The following HFM1 variants were observed in gnomAD, a reference collection of about 807,000 sequenced individuals.
HFM1 encodes helicase for meiosis 1.
HFM1 carries 169 observed loss-of-function variants against 192.1 expected under a neutral mutation model. That is an observed-to-expected ratio of 0.88 (90% confidence interval 0.78 to 1.00). The LOEUF (loss-of-function observed/expected upper bound fraction) is 1.00, where lower values mean the gene tolerates loss of function less well. Among genes scored for constraint, HFM1 ranks in the 50% least tolerant of loss-of-function variants. The pLI, the probability that HFM1 is intolerant of heterozygous loss-of-function variation, is 0.00. For synonymous variants in HFM1, 525 were observed against 537.8 expected (o/e 0.98, Z 0.33); for missense variants, 1,661 against 1,668.0 (o/e 1.00, Z 0.07).
chr1:91,401,079 G>A lies in HFM1; in HGVS notation c.4C>T (p.Leu2=). 1 of 1,541,640 alleles carries A rather than the reference G, an allele frequency of 6.5e-7. No individual in the cohort carries two copies. The highest frequency in any genetic ancestry group is 2.4e-5 in the East Asian group (1 of 42,122). Reference sequence around the variant, plus strand: ...GAAAACAGGCAATCATTTGATTTCAGCATTGTTGAAAACTGGACTTTGTCA... The same window carrying A: ...GAAAACAGGCAATCATTTGATTTCAACATTGTTGAAAACTGGACTTTGTCA... M[L]KSNDCLFSLE... The change falls in exon 2 of 39, where the codon CTG becomes TTG. Residue 2 remains leucine, a synonymous_variant. Transcript: ENST00000370425.
At chr1:91,400,501 TGATA>T (rs1664184665) in intron 2 of HFM1, among the ~76,000 whole-genome samples, 1 of 151,508 alleles carries the variant, frequency 6.6e-6, no homozygotes, top group Admixed American at 6.6e-5. Flanking sequence ...TTTTTTCTTT[TGATA>T]GAGTTTCACT....
upstream of HFM1, among the ~76,000 whole-genome samples, chr1:91,406,418 A>C (rs1206499187): frequency 6.6e-6 from 1 of 152,222 alleles, no homozygotes; most frequent in Admixed American, 6.5e-5. Flanking sequence ...ACATTCATTC[A>C]TTCACTCACT....
intron 20 of HFM1, among the ~76,000 whole-genome samples, chr1:91,339,143 A>G (rs1167408435): frequency 2.0e-5 from 3 of 151,442 alleles, no homozygotes; most frequent in African/African-American, 7.3e-5. Context: ...CAAATATTAA[A>G]GGAACATCAG....
Position 91,262,289 on chromosome 1 carries a change from A to G in HFM1, c.4190T>C (p.Val1397Ala). Residue 1397 changes from valine to alanine, a missense_variant, in exon 38 of 39, where the codon GTG (valine) becomes GCG (alanine). Coordinates refer to ENST00000370425, the MANE Select transcript of HFM1 (RefSeq NM_001017975.6). ...KNPNSSNYKK[V>A]DFFIRNSECK... ...TTCACTGTTTCTAATAAAAAAATCC[A>G]CTTTTTTATAATTTGAAGAATTTGG... 6.8e-7 allele frequency: 1 copy of G among 1,476,668 alleles called. No homozygotes were observed. The highest frequency in any genetic ancestry group is 1.3e-5 in the South Asian group (1 of 79,272). 91.5% of individuals were successfully genotyped at this position (1,476,668 alleles called of 1,614,324 possible). A position where few individuals can be genotyped will look rare whatever the true frequency, so the allele number is the denominator to read the frequency against.
intron 19 of HFM1, among the ~76,000 whole-genome samples, chr1:91,346,411 T>C (rs1656148435): frequency 6.6e-6 from 1 of 152,214 alleles, no homozygotes; most frequent in South Asian, 2.1e-4. Context: ...TTATAATCTG[T>C]ATTTCAACGT....
chr1:91,389,785 AG>A (rs1420717886), intron 4 of HFM1, among the ~76,000 whole-genome samples: 32 of 152,316 alleles, frequency 2.1e-4, no homozygotes, highest in African/African-American at 7.5e-4. Flanking sequence ...TCACATACCC[AG>A]TAGGATGGCT....
intron 30 of HFM1, among the ~76,000 whole-genome samples, chr1:91,294,602 C>G (rs538238864): frequency 6.6e-6 from 1 of 152,262 alleles, no homozygotes; most frequent in South Asian, 2.1e-4. Flanking sequence ...GTTGCAAACA[C>G]CTACAAAGAC....
chr1:91,303,567 A>C (rs980219047), intron 30 of HFM1, among the ~76,000 whole-genome samples: 13 of 152,170 alleles, frequency 8.5e-5, no homozygotes, highest in Non-Finnish European at 1.3e-4. Flanking sequence ...TTCTATGTTA[A>C]ATTTCTTGAG....
intron 1 of HFM1, among the ~76,000 whole-genome samples, chr1:91,402,210 C>G (rs1463528766): frequency 5.9e-5 from 9 of 152,098 alleles, no homozygotes; most frequent in Admixed American, 5.9e-4. Flanking sequence ...AATTTTGAAT[C>G]CTCCTTGATG....
intron 18 of HFM1, among the ~76,000 whole-genome samples, chr1:91,348,134 A>T (rs1415035737): frequency 1.3e-5 from 2 of 152,208 alleles, no homozygotes; most frequent in African/African-American, 4.8e-5. Context: ...ATATGTGTGT[A>T]TAAACACATA....
chr1:91,405,018 T>TA, upstream of HFM1: 1 of 335,750 alleles, frequency 3.0e-6, no homozygotes, highest in Non-Finnish European at 6.0e-6. Context: ...TCCTGGGTTC[T>TA]AAGGGTCTAC....
At chr1:91,316,364 G>T (rs762985412) in intron 26 of HFM1, 27 bp downstream of exon 26, 1 of 1,291,408 alleles carries the variant, frequency 7.7e-7, no homozygotes, top group South Asian at 1.3e-5. Context: ...AATTTAGATG[G>T]AATTAGGAAT....
chr1:91,284,222 T>C (rs939165581), intron 30 of HFM1, among the ~76,000 whole-genome samples: 3 of 151,292 alleles, frequency 2.0e-5, no homozygotes, highest in Non-Finnish European at 2.9e-5. Context: ...TCAACTACAT[T>C]AATTATTATT....
intron 4 of HFM1, among the ~76,000 whole-genome samples, chr1:91,390,656 TG>T (rs1432746275): frequency 1.3e-5 from 2 of 152,138 alleles, no homozygotes; most frequent in East Asian, 1.9e-4. Context: ...TCATACTGAA[TG>T]GGCAAAAACT....
At chr1:91,329,008 G>C in intron 20 of HFM1, 1 of 1,612,446 alleles carries the variant, frequency 6.2e-7, no homozygotes, top group Non-Finnish European at 8.5e-7. Flanking sequence ...AATTCCACCT[G>C]AGCTGGATTC....
At chr1:91,263,692 G>A (rs1298922790) in intron 36 of HFM1, among the ~76,000 whole-genome samples, 1 of 152,112 alleles carries the variant, frequency 6.6e-6, no homozygotes, top group Non-Finnish European at 1.5e-5. Flanking sequence ...GCTTGAGGCT[G>A]CAGTAAGCCC....
At chr1:91,290,326 C>T (rs1668594013) in intron 30 of HFM1, among the ~76,000 whole-genome samples, 1 of 152,106 alleles carries the variant, frequency 6.6e-6, no homozygotes, top group African/African-American at 2.4e-5. Flanking sequence ...CAGAGACACA[C>T]ATAGGCTTAA....
At chr1:91,385,919 T>G in intron 4 of HFM1, 85 bp from the exon 5 acceptor site, 1 of 1,066,070 alleles carries the variant, frequency 9.4e-7, no homozygotes, top group Non-Finnish European at 1.4e-6. Flanking sequence ...TTGGCCCCCT[T>G]AAAAACACTC....
intron 23 of HFM1, among the ~76,000 whole-genome samples, chr1:91,319,645 G>A (rs10493846): frequency 6.6e-6 from 1 of 151,616 alleles, no homozygotes; most frequent in Non-Finnish European, 1.5e-5. Flanking sequence ...CTCTCTAAAA[G>A]ATCTCATTTC....
Sources: gnomAD v4.1 joint callset for allele counts (sites outside exome capture counted in the v4.1 genomes callset) on GRCh38, gnomAD v4.1.1 for gene constraint, MANE v1.5 for transcripts, NCBI Gene and HGNC (gene_info 2026-07-23, HGNC 2026-07-21) for gene names.